The following IREB2 variants were observed in gnomAD, a reference collection of about 807,000 sequenced individuals.
IREB2 encodes iron-responsive element-binding protein 2.
Under a neutral mutation model 118.8 loss-of-function variants are expected in IREB2, and 39 were observed. The ratio of observed to expected loss-of-function variants is 0.33; its 90% CI spans 0.25 to 0.43. The LOEUF (loss-of-function observed/expected upper bound fraction) is 0.43, where lower values mean the gene tolerates loss of function less well. Ranked by LOEUF, IREB2 falls within the 20% of genes least tolerant of loss-of-function variation. IREB2 has a pLI of 1.00. For synonymous variants in IREB2, 372 were observed against 392.2 expected (o/e 0.95, Z 0.61); for missense variants, 900 against 1,147.3 (o/e 0.78, Z 3.11).
intron 6 of IREB2, chr15:78,470,883 T>G (rs564867813): frequency 4.6e-5 from 9 of 196,704 alleles, no homozygotes; most frequent in African/African-American, 1.9e-4. Flanking sequence ...TTAGTAGAGA[T>G]AGGTTTTCAC....
intron 2 of IREB2, among the ~76,000 whole-genome samples, chr15:78,461,788 C>G (rs1250347475): frequency 6.6e-6 from 1 of 152,130 alleles, no homozygotes; most frequent in Non-Finnish European, 1.5e-5. Context: ...CTTCTGTGCT[C>G]TTGAAACCAT....
At chr15:78,496,504 G>A (rs1451687945) in intron 20 of IREB2, among the ~76,000 whole-genome samples, 2 of 152,064 alleles carry the variant, frequency 1.3e-5, no homozygotes, top group Non-Finnish European at 2.9e-5. Context: ...CTGGCTTCAA[G>A]TGATCTGCCC....
At chr15:78,476,867 G>C (rs1269692363) in intron 9 of IREB2, among the ~76,000 whole-genome samples, 1 of 152,156 alleles carries the variant, frequency 6.6e-6, no homozygotes, top group Non-Finnish European at 1.5e-5. Context: ...TCCATTGGCT[G>C]TTTAGATTAA....
intron 4 of IREB2, 148 bp from the exon 5 acceptor site, chr15:78,466,123 G>A (rs1412159003): frequency 2.0e-6 from 1 of 494,374 alleles, no homozygotes; most frequent in Admixed American, 3.7e-5. Context: ...TCTGAGATTT[G>A]CCTTTGAAAC....
At chr15:78,467,448 T>G (rs947833140) in intron 5 of IREB2, among the ~76,000 whole-genome samples, 2 of 152,178 alleles carry the variant, frequency 1.3e-5, no homozygotes, top group East Asian at 3.9e-4. Context: ...TTCCAGCACT[T>G]TGGGAGGCCG....
intron 13 of IREB2, among the ~76,000 whole-genome samples, chr15:78,486,770 A>G (rs1430164956): frequency 6.6e-6 from 1 of 152,122 alleles, no homozygotes; most frequent in Admixed American, 6.5e-5. Flanking sequence ...CCTAGGCTCA[A>G]TCAGTCTTCC....
intron 2 of IREB2, among the ~76,000 whole-genome samples, chr15:78,445,502 A>G (rs2050915135): frequency 6.6e-6 from 1 of 152,240 alleles, no homozygotes; most frequent in African/African-American, 2.4e-5. Flanking sequence ...AATAGGTTGC[A>G]GTTTCCAGAC....
intron 10 of IREB2, among the ~76,000 whole-genome samples, chr15:78,479,438 G>A (rs908057075): frequency 2.1e-5 from 3 of 142,748 alleles, no homozygotes; most frequent in Non-Finnish European, 3.0e-5. Flanking sequence ...ATTTTGCCGT[G>A]TTGCTTAGGG....
At chr15:78,475,738 G>A in intron 8 of IREB2, 1 of 152,674 alleles carries the variant, frequency 6.5e-6, no homozygotes, top group Non-Finnish European at 1.5e-5. Flanking sequence ...TGTAGTTCCA[G>A]CTACTCTGGA....
upstream of IREB2, chr15:78,438,129 C>T (rs2050780677): frequency 1.8e-6 from 1 of 568,492 alleles, no homozygotes; most frequent in East Asian, 2.9e-5. Flanking sequence ...TCTTTGTTTT[C>T]CTGTCCGACG....
intron 2 of IREB2, among the ~76,000 whole-genome samples, chr15:78,450,824 T>TG (rs2051011810): frequency 1.5e-5 from 2 of 134,020 alleles, no homozygotes; most frequent in African/African-American, 5.6e-5. Flanking sequence ...ATTAACAAAT[T>TG]TGTGTGTGTG....
rs1353062972 is a variant in IREB2, at chr15:78,488,311, T to G, written c.1926T>G (p.Asn642Lys). The G allele has an allele frequency of 6.2e-7, 1 of 1,602,626 alleles. No homozygotes were observed. Among genetic ancestry groups the G allele is most frequent in the Non-Finnish European group, 8.5e-7 (1 of 1,176,862 alleles). Residue 642 changes from asparagine to lysine, a missense_variant, in exon 15 of 22, where the codon AAT becomes AAG. Coordinates refer to ENST00000258886, the MANE Select transcript of IREB2 (RefSeq NM_004136.4). ...VVAYAIAGTVNIDFQTEPLGT... is the reference protein window; with the variant it reads ...VVAYAIAGTVKIDFQTEPLGT... Reference sequence around the variant, plus strand: ...CTTATGCCATAGCAGGCACAGTGAATATAGATTTCCAGACAGAACCTTTAG... The same window carrying G: ...CTTATGCCATAGCAGGCACAGTGAAGATAGATTTCCAGACAGAACCTTTAG...
At chr15:78,462,834 T>C in intron 2 of IREB2, 88 bp from the exon 3 acceptor site, 1 of 999,916 alleles carries the variant, frequency 1.0e-6, no homozygotes, top group Non-Finnish European at 1.4e-6. Context: ...TGCATTTTTG[T>C]CTTTGTCTAA....
chr15:78,482,098 C>T (rs558523733), intron 10 of IREB2, among the ~76,000 whole-genome samples: 3 of 152,134 alleles, frequency 2.0e-5, no homozygotes, highest in Admixed American at 6.5e-5. Context: ...GGCGTGGTGG[C>T]GCATGCCTGT....
chr15:78,489,354 C>T (rs1343276967), intron 16 of IREB2, among the ~76,000 whole-genome samples: 4 of 152,010 alleles, frequency 2.6e-5, no homozygotes, highest in African/African-American at 9.7e-5. Flanking sequence ...CGCATATGTA[C>T]CCCAGAAGTT....
intron 2 of IREB2, among the ~76,000 whole-genome samples, chr15:78,453,743 C>T (rs566318563): frequency 8.5e-5 from 13 of 152,150 alleles, no homozygotes; most frequent in Non-Finnish European, 1.6e-4. Flanking sequence ...AGGTAGGAAA[C>T]GGGGCTAGGT....
chr15:78,460,487 T>A (rs2051178272), intron 2 of IREB2, among the ~76,000 whole-genome samples: 1 of 152,210 alleles, frequency 6.6e-6, no homozygotes, highest in African/African-American at 2.4e-5. Flanking sequence ...TTATTACTCA[T>A]TTTGATGCTC....
intron 7 of IREB2, 128 bp from the exon 8 acceptor site, chr15:78,473,114 A>T: frequency 1.2e-6 from 1 of 806,022 alleles, no homozygotes; most frequent in Admixed American, 2.6e-5. Context: ...GTCCACATTA[A>T]TAGCAATATA....
At chr15:78,466,009 T>C (rs915975258) in intron 4 of IREB2, among the ~76,000 whole-genome samples, 4 of 152,220 alleles carry the variant, frequency 2.6e-5, no homozygotes, top group African/African-American at 4.8e-5. Context: ...CTAAAAGTTA[T>C]TTAAATTAGT....
Sources: gnomAD v4.1 joint callset for allele counts (sites outside exome capture counted in the v4.1 genomes callset) on GRCh38, gnomAD v4.1.1 for gene constraint, MANE v1.5 for transcripts, NCBI Gene and HGNC (gene_info 2026-07-23, HGNC 2026-07-21) for gene names.